The following PEAK1 variants were observed in gnomAD, a reference collection of about 807,000 sequenced individuals.
PEAK1 encodes inactive tyrosine-protein kinase PEAK1.
A neutral mutation model predicts 124.7 loss-of-function variants in PEAK1; 54 were observed. The observed-to-expected ratio is 0.43, with a 90% CI of 0.35 to 0.54. The LOEUF is 0.54. Ranked by LOEUF, PEAK1 falls within the 20% of genes least tolerant of loss-of-function variation. PEAK1 has a pLI of 0.01. For synonymous variants in PEAK1, 719 were observed against 760.0 expected, an observed-to-expected ratio of 0.95 and a Z score of 0.89; for missense variants, 2,046 against 2,134.5, an observed-to-expected ratio of 0.96 and a Z score of 0.82.
At chr15:77,224,681 C>T (rs2059548716) in intron 6 of PEAK1, among the ~76,000 whole-genome samples, 1 of 149,386 alleles carries the variant, frequency 6.7e-6, no homozygotes, top group African/African-American at 2.6e-5. Context: ...AGTGAATGCA[C>T]ACTGTATCAG....
At chr15:77,335,862 A>G (rs2066167087) in intron 2 of PEAK1, 1 of 985,278 alleles carries the variant, frequency 1.0e-6, no homozygotes, top group African/African-American at 1.7e-5. Flanking sequence ...ATTCAAAGAG[A>G]CTTGACAACA....
chr15:77,411,669 G>A (rs1384314360), intron 1 of PEAK1, among the ~76,000 whole-genome samples: 2 of 151,990 alleles, frequency 1.3e-5, no homozygotes, highest in Non-Finnish European at 2.9e-5. Context: ...GCAGTGGTGC[G>A]ATCATAGCTC....
chr15:77,114,153 A>C lies in PEAK1; in HGVS notation c.*3T>G. 1 of 1,612,370 alleles carries C rather than the reference A, an allele frequency of 6.2e-7. No individual in the cohort carries two copies. The highest frequency in any genetic ancestry group is 8.5e-7 in the Non-Finnish European group (1 of 1,178,474). The stretch of plus-strand genomic sequence containing the variant: ...TGTAGTAAAAGCATCATCCAGGTAC[A>C]CATTAACGGTGCTGCAGAATTTTCA... On this transcript the variant is annotated 3_prime_UTR_variant, in exon 10 of 10. Transcript: ENST00000682557.
chr15:77,416,376 T>C (rs571665841), intron 1 of PEAK1, among the ~76,000 whole-genome samples: 26 of 152,312 alleles, frequency 1.7e-4, no homozygotes, highest in African/African-American at 6.3e-4. Flanking sequence ...CCGTTAATAA[T>C]ACTTCCTAAA....
At chr15:77,374,988 A>G (rs2068900559) in intron 1 of PEAK1, among the ~76,000 whole-genome samples, 1 of 152,218 alleles carries the variant, frequency 6.6e-6, no homozygotes, top group Non-Finnish European at 1.5e-5. Flanking sequence ...AGAAAAGAGG[A>G]GAAAAATTAA....
intron 2 of PEAK1, among the ~76,000 whole-genome samples, chr15:77,340,744 A>C (rs2066478513): frequency 6.6e-6 from 1 of 152,150 alleles, no homozygotes; most frequent in Non-Finnish European, 1.5e-5. Context: ...CTAACCATCC[A>C]GTGTTAGTGT....
intron 1 of PEAK1, chr15:77,418,602 C>A (rs1190748707): frequency 8.1e-6 from 8 of 985,048 alleles, no homozygotes; most frequent in Non-Finnish European, 9.6e-6. Flanking sequence ...AAATAAGTCA[C>A]CAAAGAGAAG....
intron 8 of PEAK1, among the ~76,000 whole-genome samples, chr15:77,144,066 T>C (rs2053996148): frequency 1.3e-5 from 2 of 152,208 alleles, no homozygotes. Context: ...TTTTCTTTTA[T>C]AACCTCAGAA....
chr15:77,197,734 T>G (rs1002962489), intron 6 of PEAK1, among the ~76,000 whole-genome samples: 1 of 152,110 alleles, frequency 6.6e-6, no homozygotes, highest in Non-Finnish European at 1.5e-5. Context: ...TCTGACTAAC[T>G]GAAAGGAAAG....
intron 8 of PEAK1, among the ~76,000 whole-genome samples, chr15:77,149,454 C>A (rs539653494): frequency 6.6e-6 from 1 of 152,246 alleles, no homozygotes; most frequent in South Asian, 2.1e-4. Context: ...TTTAAACACA[C>A]CATTTTTAAA....
In PEAK1 at chr15:77,181,065, C is replaced by T. The variant is rs1190516934; in HGVS notation, c.862G>A (p.Asp288Asn). 6 of 1,613,990 alleles carry T rather than the reference C, an allele frequency of 3.7e-6. No homozygotes were observed. Among genetic ancestry groups the T allele is most frequent in the Non-Finnish European group, 5.1e-6 (6 of 1,180,004 alleles). Residue 288 changes from aspartate (D) to asparagine (N), a missense_variant, in exon 7 of 10, where the codon GAC (aspartate) becomes AAC (asparagine). Physicochemically the swap from Asp to Asn is conservative, Grantham distance 23 (BLOSUM62 1). Coordinates refer to ENST00000682557, the MANE Select transcript of PEAK1 (RefSeq NM_001385026.1). Reference sequence around the variant, plus strand: ...AGGGGGATGGTATTCCATTTTTTGTCCACAAAGAATCGAACAGGAGACAAT... The same window carrying T: ...AGGGGGATGGTATTCCATTTTTTGTTCACAAAGAATCGAACAGGAGACAAT... ...NTLSPVRFFVDKKWNTIPLRN... is the reference protein window; with the variant it reads ...NTLSPVRFFVNKKWNTIPLRN...
At chr15:77,210,931 G>T (rs1355004172) in intron 6 of PEAK1, among the ~76,000 whole-genome samples, 2 of 152,042 alleles carry the variant, frequency 1.3e-5, no homozygotes. Context: ...TAATGATTTG[G>T]GTTTTTAGCA....
intron 2 of PEAK1, among the ~76,000 whole-genome samples, chr15:77,297,757 CAAAA>C (rs370114659): frequency 3.5e-5 from 3 of 85,396 alleles, no homozygotes; most frequent in Admixed American, 1.4e-4. Context: ...GATTTTGCCT[CAAAA>C]AAAAAAAAAA....
chr15:77,232,663 CTTT>C (rs1465143681), intron 6 of PEAK1, among the ~76,000 whole-genome samples: 1 of 152,196 alleles, frequency 6.6e-6, no homozygotes, highest in Non-Finnish European at 1.5e-5. Flanking sequence ...TAATGTTCTT[CTTT>C]AAGGATAACC....
intron 2 of PEAK1, among the ~76,000 whole-genome samples, chr15:77,356,190 C>G (rs1352172444): frequency 6.6e-6 from 1 of 152,132 alleles, no homozygotes; most frequent in African/African-American, 2.4e-5. Flanking sequence ...AGCAGAGTAG[C>G]TACATGAGTA....
intron 5 of PEAK1, among the ~76,000 whole-genome samples, chr15:77,268,707 T>C (rs993158631): frequency 2.0e-5 from 3 of 152,026 alleles, no homozygotes; most frequent in African/African-American, 2.4e-5. Context: ...CCTAGGCACA[T>C]AGTCATCAGG....
intron 5 of PEAK1, among the ~76,000 whole-genome samples, chr15:77,264,838 T>C (rs976902119): frequency 3.3e-5 from 5 of 151,854 alleles, no homozygotes; most frequent in Non-Finnish European, 5.9e-5. Context: ...GGCATCACAC[T>C]ACCTGACTTC....
intron 2 of PEAK1, among the ~76,000 whole-genome samples, chr15:77,340,125 A>G (rs953292930): frequency 2.6e-5 from 4 of 152,214 alleles, no homozygotes; most frequent in African/African-American, 7.2e-5. Flanking sequence ...TGATCCAGCA[A>G]TTGCATTCTG....
chr15:77,244,953 A>G (rs2060514561), intron 6 of PEAK1, among the ~76,000 whole-genome samples: 1 of 152,236 alleles, frequency 6.6e-6, no homozygotes, highest in Non-Finnish European at 1.5e-5. Flanking sequence ...GTGGAATAAA[A>G]GAATATTTAT....
Sources: allele counts gnomAD v4.1 joint callset (sites outside exome capture counted in the v4.1 genomes callset), GRCh38; gene constraint gnomAD v4.1.1; transcripts MANE v1.5; gene names NCBI Gene and HGNC (gene_info 2026-07-23, HGNC 2026-07-21).